AFG1L: variants seen among roughly 807,000 people sequenced by gnomAD.
The protein encoded by AFG1L is AFG1-like ATPase.
A neutral mutation model predicts 62.2 loss-of-function variants in AFG1L; 53 were observed. That is an observed-to-expected ratio of 0.85 (90% CI 0.68 to 1.07). AFG1L has a LOEUF of 1.07. AFG1L is among the 50% of genes least tolerant of loss of function. The pLI, the probability that AFG1L is intolerant of heterozygous loss-of-function variation, is 0.00. For synonymous variants in AFG1L, 228 were observed against 210.3 expected (o/e 1.08, Z -0.73); for missense variants, 555 against 590.5 (o/e 0.94, Z 0.62).
chr6:108,343,443 G>T lies in AFG1L; in HGVS notation c.364-3545G>T, dbSNP rs1400136635. ...CTTTTCCCTGAACTTCATTTATTCAGCCTATCTTGAGTATATAATGTAGCA... is the reference window on the plus strand; with the variant it reads ...CTTTTCCCTGAACTTCATTTATTCATCCTATCTTGAGTATATAATGTAGCA... On this transcript the variant is annotated intron_variant, in intron 2 of 12. Coordinates refer to ENST00000368977, the MANE Select transcript of AFG1L (RefSeq NM_145315.5). Among the ~76,000 whole-genome samples, 3 of 151,896 alleles carry T rather than the reference G, an allele frequency of 2.0e-5. No homozygotes were observed. In the East Asian group the frequency reaches 5.8e-4, roughly 29 times the overall value.
intron 6 of AFG1L, among the ~76,000 whole-genome samples, chr6:108,378,305 T>C (rs1332024092): frequency 6.6e-6 from 1 of 151,906 alleles, no homozygotes; most frequent in African/African-American, 2.4e-5. Flanking sequence ...GCTTTGAAGT[T>C]GTTTTTTTGT....
At chr6:108,461,774 A>T (rs1407443618) in intron 8 of AFG1L, among the ~76,000 whole-genome samples, 1 of 151,930 alleles carries the variant, frequency 6.6e-6, no homozygotes, top group Admixed American at 6.6e-5. Context: ...AGACTGTTTT[A>T]AAAAATTGTT....
At chr6:108,307,067 G>T (rs1268441357) in intron 1 of AFG1L, among the ~76,000 whole-genome samples, 1 of 151,326 alleles carries the variant, frequency 6.6e-6, no homozygotes, top group Non-Finnish European at 1.5e-5. Context: ...AGGCTGGAGT[G>T]CAATGGCATG....
chr6:108,522,592 A>G lies in AFG1L; in HGVS notation c.*167A>G, dbSNP rs1414494584. 1.7e-6 allele frequency: 1 copy of G among 594,128 alleles called. No homozygotes were observed. The highest frequency in any genetic ancestry group is 3.2e-5 in the East Asian group (1 of 30,898). 36.8% of individuals were successfully genotyped at this position (594,128 alleles called of 1,614,324 possible). On this transcript the variant is annotated 3_prime_UTR_variant, in exon 13 of 13. Coordinates refer to ENST00000368977, the MANE Select transcript of AFG1L (RefSeq NM_145315.5). ...AGGATCTAGTGGATTAGTAAGTTAAACACTTAACATTTTTTAGGTCTGCTT... is the reference window on the plus strand; with the variant it reads ...AGGATCTAGTGGATTAGTAAGTTAAGCACTTAACATTTTTTAGGTCTGCTT...
rs59137235 is a variant in AFG1L, at chr6:108,516,692, G to A, written c.1204-3005G>A. 8.8e-3 allele frequency among the ~76,000 whole-genome samples: 1,335 copies of A among 152,210 alleles called. 29 individuals are homozygous for A. Among genetic ancestry groups the A allele is most frequent in the African/African-American group, 0.03 (1,235 of 41,512 alleles). On this transcript the variant is annotated intron_variant, in intron 11 of 12. Transcript: ENST00000368977. ...GACAGAAATAAAGGGTATTCAATTC[G>A]GAAAAGAGGAAGTCAAATTGTCCCT...
chr6:108,443,159 A>T (rs1464171011), intron 7 of AFG1L, among the ~76,000 whole-genome samples: 2 of 152,230 alleles, frequency 1.3e-5, no homozygotes, highest in Non-Finnish European at 2.9e-5. Context: ...GTAAAGGCTC[A>T]GCTGGCAATT....
At chr6:108,417,285 C>CAA (rs1185604912) in intron 7 of AFG1L, among the ~76,000 whole-genome samples, 4 of 70,132 alleles carry the variant, frequency 5.7e-5, no homozygotes, top group Admixed American at 1.5e-4. Flanking sequence ...CACACACACA[C>CAA]ACAAAAAAAA....
chr6:108,303,353 C>CT (rs1777082641), intron 1 of AFG1L, among the ~76,000 whole-genome samples: 1 of 152,110 alleles, frequency 6.6e-6, no homozygotes, highest in African/African-American at 2.4e-5. Context: ...AGCCTGGTCT[C>CT]TAATTTGAGC....
chr6:108,502,192 T>A (rs760340714), intron 10 of AFG1L, among the ~76,000 whole-genome samples: 1 of 148,892 alleles, frequency 6.7e-6, no homozygotes, highest in Non-Finnish European at 1.5e-5. Context: ...TGCCTGGTTT[T>A]GCTTTTTGTT....
In AFG1L at chr6:108,301,126, C is replaced by G. The variant is rs145938049; in HGVS notation, c.139+5908C>G. Among the ~76,000 whole-genome samples, 8 of 152,236 alleles carry G rather than the reference C, an allele frequency of 5.3e-5. No homozygotes were observed. In the East Asian group the frequency reaches 1.5e-3, roughly 29 times the overall value. Reference sequence around the variant, plus strand: ...TATGATAATGGAGGATTTTGTGGTGCTGGTGGGAGTATAGCAGTAAGGCCA... The same window carrying G: ...TATGATAATGGAGGATTTTGTGGTGGTGGTGGGAGTATAGCAGTAAGGCCA... On this transcript the variant is annotated intron_variant, in intron 1 of 12. Coordinates refer to ENST00000368977, the MANE Select transcript of AFG1L (RefSeq NM_145315.5).
Position 108,420,461 on chromosome 6 carries a change from A to G in AFG1L, c.807+18407A>G, listed in dbSNP as rs968897141. Reference sequence around the variant, plus strand: ...TTAAATATATTAAAACATATATTCCATATATGTTTGGAAAAATTTATTTAA... The same window carrying G: ...TTAAATATATTAAAACATATATTCCGTATATGTTTGGAAAAATTTATTTAA... On this transcript the variant is annotated intron_variant, in intron 7 of 12. Coordinates refer to ENST00000368977, the MANE Select transcript of AFG1L (RefSeq NM_145315.5). 3.8e-4 allele frequency among the ~76,000 whole-genome samples: 57 copies of G among 149,566 alleles called. 1 individual carries two copies. Among genetic ancestry groups the G allele is most frequent in the Non-Finnish European group, 2.7e-4 (18 of 67,468 alleles).
At chr6:108,490,615 G>A (rs2114850334) in intron 10 of AFG1L, among the ~76,000 whole-genome samples, 1 of 152,248 alleles carries the variant, frequency 6.6e-6, no homozygotes. Flanking sequence ...TGAACTTTCT[G>A]CATTGTCTCC....
chr6:108,444,058 A>ATCTG (rs1771661073), intron 7 of AFG1L, among the ~76,000 whole-genome samples: 1 of 21,254 alleles, frequency 4.7e-5, no homozygotes, highest in East Asian at 1.1e-3. Flanking sequence ...AATATCTCCC[A>ATCTG]TCTATCTATC....
At chr6:108,354,741 C>T (rs910659140) in intron 3 of AFG1L, among the ~76,000 whole-genome samples, 1 of 152,134 alleles carries the variant, frequency 6.6e-6, no homozygotes, top group Non-Finnish European at 1.5e-5. Context: ...CCTCTTCATG[C>T]TACTCAGGAT....
intron 4 of AFG1L, among the ~76,000 whole-genome samples, chr6:108,356,147 T>TA (rs1179010440): frequency 6.6e-6 from 1 of 152,112 alleles, no homozygotes; most frequent in African/African-American, 2.4e-5. Context: ...CTAGTGATCT[T>TA]ACGTTATTTC....
chr6:108,496,401 TA>T (rs1370722532), intron 10 of AFG1L, among the ~76,000 whole-genome samples: 1 of 152,226 alleles, frequency 6.6e-6, no homozygotes, highest in Non-Finnish European at 1.5e-5. Context: ...CTCTGTTCCC[TA>T]GTCTGTGCTA....
At position 108,356,716 on chromosome 6, in the gene AFG1L, C is replaced by T. The variant is rs770901455; in HGVS notation, c.544C>T (p.Pro182Ser). 2.5e-6 allele frequency: 4 copies of T among 1,611,126 alleles called. No homozygotes were observed. The highest frequency in any genetic ancestry group is 3.4e-6 in the Non-Finnish European group (4 of 1,178,798). Residue 182 changes from proline (P) to serine (S), a missense_variant, in exon 5 of 13, where the codon CCA becomes TCA. Physicochemically the swap from Pro to Ser is moderately conservative, Grantham distance 74 (BLOSUM62 -1). Coordinates refer to ENST00000368977, the MANE Select transcript of AFG1L (RefSeq NM_145315.5). ...KRIHRLKQSL[P>S]KRKPGFMAKS... ...AATACATCGCCTTAAACAGAGTTTG[C>T]CAAAAAGGAAACCAGGATTCATGGC... is the stretch of plus-strand genomic sequence containing the variant.
intron 10 of AFG1L, among the ~76,000 whole-genome samples, chr6:108,489,388 G>A (rs1003974943): frequency 3.3e-5 from 5 of 152,328 alleles, no homozygotes; most frequent in African/African-American, 1.2e-4. Context: ...TACGCATCAT[G>A]GAGGAGACAG....
chr6:108,430,500 A>G (rs1402889410), intron 7 of AFG1L, among the ~76,000 whole-genome samples: 1 of 152,322 alleles, frequency 6.6e-6, no homozygotes, highest in East Asian at 1.9e-4. Flanking sequence ...TTAAGAGCAC[A>G]TAGTCTGCAA....
Sources: gnomAD v4.1 joint callset for allele counts (sites outside exome capture counted in the v4.1 genomes callset) on GRCh38, gnomAD v4.1.1 for gene constraint, MANE v1.5 for transcripts, NCBI Gene and HGNC (gene_info 2026-07-23, HGNC 2026-07-21) for gene names.